Variants in RAB40B observed in about 807,000 individuals in gnomAD.
The protein encoded by RAB40B is RAB40B, member RAS oncogene family.
Under a neutral mutation model 24.0 loss-of-function variants are expected in RAB40B, and 21 were observed. The observed-to-expected ratio is 0.88, with a 90% CI of 0.62 to 1.26. The LOEUF (loss-of-function observed/expected upper bound fraction) is 1.26, where lower values mean the gene tolerates loss of function less well. RAB40B is among the 50% of genes most tolerant of loss of function. The pLI is 0.00. For synonymous variants in RAB40B, 167 were observed against 169.8 expected (o/e 0.98, Z 0.13); for missense variants, 348 against 390.5 (o/e 0.89, Z 0.92).
chr17:82,688,654 C>T (rs1338798850), intron 1 of RAB40B, among the ~76,000 whole-genome samples: 1 of 151,978 alleles, frequency 6.6e-6, no homozygotes, highest in African/African-American at 2.4e-5. Flanking sequence ...TTTGTTTGGG[C>T]CGGGCGTGGT....
intron 1 of RAB40B, among the ~76,000 whole-genome samples, chr17:82,666,287 C>G (rs1290456626): frequency 6.6e-6 from 1 of 151,904 alleles, no homozygotes; most frequent in African/African-American, 2.4e-5. Flanking sequence ...TCTTGTTGCC[C>G]AGGCTGGAGT....
At chr17:82,672,635 A>G (rs977730486) in intron 1 of RAB40B, among the ~76,000 whole-genome samples, 4 of 152,246 alleles carry the variant, frequency 2.6e-5, no homozygotes, top group African/African-American at 9.6e-5. Context: ...AAGGAGAGGA[A>G]GACACCTGAG....
chr17:82,684,491 C>T (rs2046477621), intron 1 of RAB40B, among the ~76,000 whole-genome samples: 1 of 152,268 alleles, frequency 6.6e-6, no homozygotes, highest in East Asian at 1.9e-4. Flanking sequence ...TAAACATGCA[C>T]AGTGGCTTTT....
chr17:82,693,947 G>T (rs1023890884), intron 1 of RAB40B, among the ~76,000 whole-genome samples: 2 of 151,312 alleles, frequency 1.3e-5, no homozygotes, highest in African/African-American at 4.9e-5. Flanking sequence ...GCCAGGCGTG[G>T]TGGCGCACAC....
In RAB40B at chr17:82,658,088, C is replaced by T. The variant is rs1208667646; in HGVS notation, c.612G>A (p.Thr204=). The change falls in exon 6 of 6, where the codon ACG becomes ACA. Residue 204 remains threonine (T), a synonymous_variant. Transcript: ENST00000571995. ...DLCCRAVVSC[T]PVHLVDKLPL... ...GGAGCTTGTCCACCAGGTGCACCGG[C>T]GTGCAGGACACGACCGCCCGGCAGC... 3.7e-6 allele frequency: 6 copies of T among 1,614,030 alleles called. No homozygotes were observed. The highest frequency in any genetic ancestry group is 3.4e-6 in the Non-Finnish European group (4 of 1,180,030).
chr17:82,659,441 T>G, intron 4 of RAB40B, 139 bp downstream of exon 4: 1 of 733,508 alleles, frequency 1.4e-6, no homozygotes, highest in East Asian at 2.7e-5. Flanking sequence ...GGCACCCTCC[T>G]TCCTGCTGGA....
rs2143434628 is a variant in RAB40B at position 82,657,583 on chromosome 17, CATG to C, written c.*277_*279del. On this transcript the variant is annotated 3_prime_UTR_variant, in exon 6 of 6. Transcript: ENST00000571995. The stretch of plus-strand genomic sequence containing the variant: ...TTTAAGGAAAAAGTTGCAGTGCAAT[CATG>C]ATAAAGTAACATTCAGAATTTCATG... The C allele has an allele frequency of 1.9e-6, 1 of 539,088 alleles. No individual in the cohort carries two copies. Among genetic ancestry groups the C allele is most frequent in the South Asian group, 1.9e-5 (1 of 53,486 alleles). 33.4% of individuals were successfully genotyped at this position (539,088 alleles called of 1,614,324 possible).
At chr17:82,669,214 G>A (rs574346841) in intron 1 of RAB40B, among the ~76,000 whole-genome samples, 12 of 152,216 alleles carry the variant, frequency 7.9e-5, no homozygotes, top group African/African-American at 2.9e-4. Context: ...GGTGGCTCAC[G>A]CCTGTAATCC....
chr17:82,698,678 G>T lies in RAB40B; in HGVS notation c.-82C>A. 2 of 1,076,348 alleles carry T rather than the reference G, an allele frequency of 1.9e-6. No homozygotes were observed. The highest frequency in any genetic ancestry group is 1.2e-6 in the Non-Finnish European group (1 of 868,764). 66.7% of individuals were successfully genotyped at this position (1,076,348 alleles called of 1,614,324 possible). A position where few individuals can be genotyped will look rare whatever the true frequency, so the allele number is the denominator to read the frequency against. On this transcript the variant is annotated 5_prime_UTR_variant, in exon 1 of 6. Transcript: ENST00000571995. Reference sequence around the variant, plus strand: ...GCGGCCCGGCCCCGAGAGGCGCCGCGCGGGCCCCGAGTCCTTGCTCGCCTC... The same window carrying T: ...GCGGCCCGGCCCCGAGAGGCGCCGCTCGGGCCCCGAGTCCTTGCTCGCCTC...
chr17:82,685,861 T>C (rs1262091644), intron 1 of RAB40B, among the ~76,000 whole-genome samples: 1 of 151,478 alleles, frequency 6.6e-6, no homozygotes, highest in African/African-American at 2.4e-5. Flanking sequence ...TGGAGTGCGA[T>C]GGTGCGATCT....
rs1022432574 is a variant in RAB40B at position 82,678,626 on chromosome 17, C to T, written c.143-14070G>A. Among the ~76,000 whole-genome samples the T allele has an allele frequency of 3.9e-5, 6 of 152,204 alleles. No homozygotes were observed. The East Asian group carries it at 1.2e-3, about 29-fold the overall frequency. On this transcript the variant is annotated intron_variant, in intron 1 of 5. Coordinates refer to ENST00000571995, the MANE Select transcript of RAB40B (RefSeq NM_006822.3). ...CAATACAATGTACAGACGTATTCAT[C>T]TCTCAGCCCAGCTTTTGAGAAATCT...
intron 5 of RAB40B, 178 bp from the exon 6 acceptor site, chr17:82,658,312 C>T: frequency 9.4e-7 from 1 of 1,068,776 alleles, no homozygotes; most frequent in Non-Finnish European, 1.3e-6. Context: ...ATCCCAGGAG[C>T]TCCCTCATGA....
At chr17:82,677,831 C>T (rs1365188206) in intron 1 of RAB40B, among the ~76,000 whole-genome samples, 1 of 152,230 alleles carries the variant, frequency 6.6e-6, no homozygotes, top group Non-Finnish European at 1.5e-5. Context: ...ACCTGCCCGA[C>T]CCCTGCACCT....
chr17:82,657,487 C>A lies in RAB40B; in HGVS notation c.*376G>T. Reference sequence around the variant, plus strand: ...TCAGTGACTCTAAATTATCCCGCTGCCATTGCTTCTCAAATTCCATTGAAT... The same window carrying A: ...TCAGTGACTCTAAATTATCCCGCTGACATTGCTTCTCAAATTCCATTGAAT... On this transcript the variant is annotated 3_prime_UTR_variant, in exon 6 of 6. Transcript: ENST00000571995. The A allele has an allele frequency of 2.8e-6, 1 of 360,010 alleles. No individual in the cohort carries two copies. The highest frequency in any genetic ancestry group is 5.4e-6 in the Non-Finnish European group (1 of 185,730). The allele number at this position is 360,010 out of a possible 1,614,324, so 22.3% of individuals were successfully genotyped here.
chr17:82,695,260 C>T (rs2046597194), intron 1 of RAB40B, among the ~76,000 whole-genome samples: 2 of 150,334 alleles, frequency 1.3e-5, no homozygotes, highest in East Asian at 3.9e-4. Context: ...GGTGTGATCT[C>T]AGCTCACTTC....
At chr17:82,670,205 A>G (rs2046315988) in intron 1 of RAB40B, among the ~76,000 whole-genome samples, 1 of 81,396 alleles carries the variant, frequency 1.2e-5, no homozygotes, top group Non-Finnish European at 2.3e-5. Flanking sequence ...TTTTTTTTTG[A>G]GACAGAGTCT....
intron 1 of RAB40B, among the ~76,000 whole-genome samples, chr17:82,669,248 G>C (rs907618294): frequency 1.3e-5 from 2 of 152,156 alleles, no homozygotes; most frequent in African/African-American, 2.4e-5. Flanking sequence ...GGCCGAGCGG[G>C]GTGGATCACC....
intron 1 of RAB40B, among the ~76,000 whole-genome samples, chr17:82,678,803 G>A (rs1351537078): frequency 2.0e-5 from 3 of 151,616 alleles, no homozygotes; most frequent in Admixed American, 2.0e-4. Context: ...ATTCAACGCC[G>A]CTTTACACCT....
At chr17:82,658,996 C>CA (rs1330854857) in intron 4 of RAB40B, 13 of 398,728 alleles carry the variant, frequency 3.3e-5, no homozygotes, top group African/African-American at 2.6e-4. Context: ...TGGAGCGGTG[C>CA]AGCCACAAGC....
Sources: allele counts gnomAD v4.1 joint callset (sites outside exome capture counted in the v4.1 genomes callset), GRCh38; gene constraint gnomAD v4.1.1; transcripts MANE v1.5; gene names NCBI Gene and HGNC (gene_info 2026-07-23, HGNC 2026-07-21).